The following SLC26A8 variants were observed in gnomAD, a reference collection of about 807,000 sequenced individuals.
SLC26A8 encodes testis anion transporter 1.
A neutral mutation model predicts 105.0 loss-of-function variants in SLC26A8; 70 were observed. The ratio of observed to expected loss-of-function variants is 0.67; its 90% CI spans 0.55 to 0.81. The LOEUF (loss-of-function observed/expected upper bound fraction) is 0.81. Among genes scored for constraint, SLC26A8 ranks in the 40% least tolerant of loss-of-function variants. The pLI is 0.00. For synonymous variants in SLC26A8, 415 were observed against 438.3 expected, an observed-to-expected ratio of 0.95 and a Z score of 0.66; for missense variants, 998 against 1,181.8, an observed-to-expected ratio of 0.84 and a Z score of 2.28.
intron 12 of SLC26A8, among the ~76,000 whole-genome samples, chr6:35,961,647 C>T (rs1015039250): frequency 2.0e-5 from 3 of 152,226 alleles, no homozygotes; most frequent in Admixed American, 2.0e-4. Context: ...TGTTATGCCT[C>T]CTCCTGGAAT....
chr6:35,955,341 C>T lies in SLC26A8; in HGVS notation c.2043G>A (p.Glu681=), dbSNP rs563274343. ...KNQGQQYEEV[E]EVWLPNNSSR... ...ATGAGTTATTAGGAAGCCAAACTTC[C>T]TCCACCTCCTCATACTGTTGCCCTT... The change falls in exon 17 of 20, where the codon GAG becomes GAA. Residue 681 remains glutamate, a synonymous_variant. Coordinates refer to ENST00000490799, the MANE Select transcript of SLC26A8 (RefSeq NM_052961.4). 131 of 1,614,224 alleles carry T rather than the reference C, an allele frequency of 8.1e-5. No individual in the cohort carries two copies. The South Asian group carries it at 1.2e-3, about 15-fold the overall frequency.
At chr6:35,962,400 A>G in intron 12 of SLC26A8, 126 bp downstream of exon 12, 1 of 737,108 alleles carries the variant, frequency 1.4e-6, no homozygotes, top group Non-Finnish European at 2.3e-6. Flanking sequence ...GCAAAACTGG[A>G]GTACTAGGCA....
intron 2 of SLC26A8, among the ~76,000 whole-genome samples, chr6:36,013,984 T>A (rs1562073745): frequency 1.3e-5 from 2 of 152,202 alleles, no homozygotes; most frequent in African/African-American, 4.8e-5. Flanking sequence ...AGCTCAGTGT[T>A]CTAGCCACTC....
At chr6:35,993,190 G>GT (rs1449108993) in intron 5 of SLC26A8, among the ~76,000 whole-genome samples, 1 of 45,448 alleles carries the variant, frequency 2.2e-5, no homozygotes, top group African/African-American at 4.8e-5. Context: ...AGAGATTGGA[G>GT]GGGGGGGTCT....
intron 1 of SLC26A8, among the ~76,000 whole-genome samples, chr6:36,024,019 G>C (rs1762195516): frequency 6.6e-6 from 1 of 151,428 alleles, no homozygotes. Context: ...GCTGGAGAAG[G>C]CTTCACGGGG....
chr6:35,954,074 G>A (rs1212630403), intron 17 of SLC26A8, among the ~76,000 whole-genome samples: 1 of 152,206 alleles, frequency 6.6e-6, no homozygotes, highest in African/African-American at 2.4e-5. Flanking sequence ...GGGAGACAGA[G>A]TGCTGTAAAC....
At chr6:36,022,017 G>A (rs1327762118) in intron 1 of SLC26A8, among the ~76,000 whole-genome samples, 1 of 151,318 alleles carries the variant, frequency 6.6e-6, no homozygotes, top group Non-Finnish European at 1.5e-5. Context: ...ACCCAGGCTG[G>A]AGTTCAGTGG....
At chr6:35,983,983 C>T (rs907165395) in intron 7 of SLC26A8, among the ~76,000 whole-genome samples, 1 of 152,118 alleles carries the variant, frequency 6.6e-6, no homozygotes, top group South Asian at 2.1e-4. Context: ...CCTCCATCCT[C>T]CCTCTCTCAT....
At chr6:35,964,272 C>T (rs1337375236) in intron 11 of SLC26A8, among the ~76,000 whole-genome samples, 1 of 152,114 alleles carries the variant, frequency 6.6e-6, no homozygotes, top group Non-Finnish European at 1.5e-5. Flanking sequence ...GGGTGGTGCC[C>T]TTTTGGAAAA....
intron 5 of SLC26A8, 55 bp downstream of exon 5, chr6:35,997,683 G>A: frequency 1.3e-6 from 2 of 1,555,898 alleles, no homozygotes; most frequent in Middle Eastern, 1.9e-4. Flanking sequence ...GAAGGGGTCT[G>A]TTTATAGCCC....
chr6:35,944,458 A>G lies in SLC26A8; in HGVS notation c.2473-118T>C, dbSNP rs377383583. The G allele has an allele frequency of 6.8e-5, 44 of 646,284 alleles. No homozygotes were observed. The East Asian group carries it at 9.7e-4, about 14-fold the overall frequency. The allele number at this position is 646,284 out of a possible 1,614,324, so 40.0% of individuals were successfully genotyped here. A position where few individuals can be genotyped will look rare whatever the true frequency, so the allele number is the denominator to read the frequency against. ...GGCTGGGGCAGGAGAATCGCTTTAG[A>G]CCAGGAGTTCAAGGCCAGCCTGGGC... On this transcript the variant is annotated intron_variant, in intron 19 of 19. Coordinates refer to ENST00000490799, the MANE Select transcript of SLC26A8 (RefSeq NM_052961.4).
intron 19 of SLC26A8, 72 bp downstream of exon 19, chr6:35,951,091 A>ACCCCCC: frequency 1.6e-6 from 2 of 1,256,380 alleles, no homozygotes; most frequent in Non-Finnish European, 1.1e-6. Context: ...CCAGCCCCCA[A>ACCCCCC]CCACCCCTCA....
intron 8 of SLC26A8, among the ~76,000 whole-genome samples, chr6:35,977,792 C>T (rs143029679): frequency 5.5e-4 from 84 of 151,990 alleles, no homozygotes; most frequent in Non-Finnish European, 8.1e-4. Context: ...CGGCTGGGTG[C>T]GGTGGCATAT....
chr6:36,020,269 T>C (rs569599671), intron 1 of SLC26A8, among the ~76,000 whole-genome samples: 35 of 152,374 alleles, frequency 2.3e-4, no homozygotes, highest in African/African-American at 7.9e-4. Flanking sequence ...GAAGCAGGAC[T>C]GTGACTATTC....
chr6:36,002,568 T>C (rs189379860), intron 3 of SLC26A8, among the ~76,000 whole-genome samples: 9 of 152,340 alleles, frequency 5.9e-5, no homozygotes, highest in African/African-American at 2.2e-4. Context: ...CATTTCAATT[T>C]CATTTTCCAT....
chr6:35,968,589 A>ATGTGTGTG (rs1281355415), intron 11 of SLC26A8, among the ~76,000 whole-genome samples: 56 of 61,422 alleles, frequency 9.1e-4, no homozygotes, highest in African/African-American at 3.0e-3. Flanking sequence ...ATATGTGTGT[A>ATGTGTGTG]TGTGTGTGTG....
chr6:36,005,250 T>C (rs1761653097), intron 3 of SLC26A8, among the ~76,000 whole-genome samples: 1 of 152,176 alleles, frequency 6.6e-6, no homozygotes, highest in South Asian at 2.1e-4. Flanking sequence ...CTTCTCCTAA[T>C]GTTAATATTT....
At chr6:35,946,756 A>C (rs919275076) in intron 19 of SLC26A8, among the ~76,000 whole-genome samples, 1 of 151,232 alleles carries the variant, frequency 6.6e-6, no homozygotes, top group Admixed American at 6.6e-5. Context: ...GGCACAATCA[A>C]AGCTCACTGT....
chr6:36,003,197 AT>A (rs1471991395), intron 3 of SLC26A8, among the ~76,000 whole-genome samples: 11 of 152,236 alleles, frequency 7.2e-5, no homozygotes, highest in African/African-American at 2.6e-4. Context: ...TAACTTTTAC[AT>A]TTAGGTCTTT....
Sources: allele counts gnomAD v4.1 joint callset (sites outside exome capture counted in the v4.1 genomes callset), GRCh38; gene constraint gnomAD v4.1.1; transcripts MANE v1.5; gene names NCBI Gene and HGNC (gene_info 2026-07-23, HGNC 2026-07-21).